The following SACM1L variants were observed in gnomAD, a reference collection of about 807,000 sequenced individuals.
SACM1L encodes the protein SAC1 like phosphatidylinositide phosphatase.
Under a neutral mutation model 89.5 loss-of-function variants are expected in SACM1L, and 32 were observed. That is an observed-to-expected ratio of 0.36 (90% confidence interval 0.27 to 0.48). SACM1L has a LOEUF of 0.48. Ranked by LOEUF, SACM1L falls within the 20% of genes least tolerant of loss-of-function variation. The pLI is 0.99. For missense variants in SACM1L, 543 were observed against 708.5 expected (o/e 0.77, Z 2.65); for synonymous variants, 213 against 232.8 (o/e 0.92, Z 0.77).
rs1210602493 is a variant in SACM1L, at chr3:45,744,437, A to G, written c.*768A>G. 1 of 152,650 alleles carries G rather than the reference A, an allele frequency of 6.6e-6. No homozygotes were observed. The highest frequency in any genetic ancestry group is 2.4e-5 in the African/African-American group (1 of 41,452). The allele number at this position is 152,650 out of a possible 1,614,324, so 9.5% of individuals were successfully genotyped here. ...TGCCTCTGTTTTAAAGATTATCCCAATGTGGAAGATGCCCATGACTGGTCA... is the reference window on the plus strand; with the variant it reads ...TGCCTCTGTTTTAAAGATTATCCCAGTGTGGAAGATGCCCATGACTGGTCA... On this transcript the variant is annotated 3_prime_UTR_variant, in exon 20 of 20. Transcript: ENST00000389061.
Position 45,732,096 on chromosome 3 carries a change from T to C in SACM1L, c.1045T>C (p.Trp349Arg). 6.2e-7 allele frequency: 1 copy of C among 1,605,536 alleles called. No homozygotes were observed. The highest frequency in any genetic ancestry group is 8.5e-7 in the Non-Finnish European group (1 of 1,177,174). The change falls in exon 13 of 20, where the codon TGG becomes CGG. Residue 349 changes from tryptophan to arginine, a missense_variant. Coordinates refer to ENST00000389061, the MANE Select transcript of SACM1L (RefSeq NM_014016.5). ...CCATAAGGAATGTAAAAATATGAGA[T>C]GGGATCGACTAAGTATTTTATTGGA... ...DFHKECKNMR[W>R]DRLSILLDQV...
chr3:45,730,616 G>T (rs1278695065), intron 11 of SACM1L: 2 of 152,284 alleles, frequency 1.3e-5, no homozygotes, highest in Admixed American at 1.3e-4. Flanking sequence ...TCAGTCTGTG[G>T]TAAAGGTTTA....
chr3:45,721,460 T>C (rs1698785299), intron 8 of SACM1L, among the ~76,000 whole-genome samples: 1 of 152,226 alleles, frequency 6.6e-6, no homozygotes, highest in Admixed American at 6.5e-5. Context: ...AAGCGGAGGT[T>C]GCGTTGAGCT....
chr3:45,726,954 C>G (rs1698936967), intron 11 of SACM1L, among the ~76,000 whole-genome samples: 1 of 21,936 alleles, frequency 4.6e-5, no homozygotes, highest in South Asian at 6.9e-4. Context: ...GGCGCAATCT[C>G]GGCTCACTGC....
At chr3:45,724,298 G>GGTGTAT (rs1553653986) in intron 11 of SACM1L, among the ~76,000 whole-genome samples, 6 of 139,716 alleles carry the variant, frequency 4.3e-5, no homozygotes, top group African/African-American at 1.6e-4. Flanking sequence ...GTTGTTTTCT[G>GGTGTAT]GTGTGTGTGT....
chr3:45,731,742 T>A (rs534576720), intron 12 of SACM1L, among the ~76,000 whole-genome samples: 1 of 152,338 alleles, frequency 6.6e-6, no homozygotes, highest in South Asian at 2.1e-4. Context: ...CCATTTGTTG[T>A]GTTTCTCCTC....
chr3:45,719,695 A>G, intron 8 of SACM1L, 94 bp downstream of exon 8: 1 of 672,952 alleles, frequency 1.5e-6, no homozygotes, highest in South Asian at 2.1e-5. Flanking sequence ...TGTTTTCATT[A>G]TCATTTGATA....
intron 8 of SACM1L, 110 bp downstream of exon 8, chr3:45,719,711 G>A (rs1236659790): frequency 1.7e-6 from 1 of 601,786 alleles, no homozygotes; most frequent in African/African-American, 1.9e-5. Flanking sequence ...TGATAGCCTT[G>A]CTAAGTATTT....
At chr3:45,742,812 G>A (rs1436367500) in intron 19 of SACM1L, 1 of 152,192 alleles carries the variant, frequency 6.6e-6, no homozygotes, top group African/African-American at 2.4e-5. Flanking sequence ...TCAATATGGT[G>A]ACCTCTTTGA....
chr3:45,711,565 T>G (rs1391000631), intron 5 of SACM1L, among the ~76,000 whole-genome samples: 1 of 151,798 alleles, frequency 6.6e-6, no homozygotes, highest in Non-Finnish European at 1.5e-5. Context: ...AGCCACAGTG[T>G]GCTGTCATCA....
At chr3:45,720,324 G>C (rs1038086022) in intron 8 of SACM1L, among the ~76,000 whole-genome samples, 1 of 152,126 alleles carries the variant, frequency 6.6e-6, no homozygotes, top group African/African-American at 2.4e-5. Flanking sequence ...TGGAAACATA[G>C]TTTTTGATTA....
chr3:45,732,019 C>A, intron 12 of SACM1L, 34 bp from the exon 13 acceptor site: 2 of 1,255,692 alleles, frequency 1.6e-6, no homozygotes, highest in Non-Finnish European at 2.3e-6. Flanking sequence ...TGAATGATCT[C>A]TGGTCGGTTT....
intron 19 of SACM1L, chr3:45,740,023 C>A: frequency 4.8e-6 from 1 of 207,948 alleles, no homozygotes; most frequent in Non-Finnish European, 9.7e-6. Context: ...TTAAGGACTT[C>A]AGTATTAAAT....
intron 7 of SACM1L, among the ~76,000 whole-genome samples, chr3:45,716,993 G>C (rs1015026314): frequency 1.3e-5 from 2 of 152,194 alleles, no homozygotes; most frequent in African/African-American, 4.8e-5. Context: ...TCTAAGAGCA[G>C]GCTTATCTGC....
At chr3:45,719,295 T>G (rs1319756338) in intron 7 of SACM1L, among the ~76,000 whole-genome samples, 1 of 152,150 alleles carries the variant, frequency 6.6e-6, no homozygotes, top group Non-Finnish European at 1.5e-5. Flanking sequence ...TTCTTAAACA[T>G]ACTACCTTCG....
intron 3 of SACM1L, 26 bp downstream of exon 3, chr3:45,705,235 C>T: frequency 7.0e-7 from 1 of 1,423,996 alleles, no homozygotes; most frequent in Non-Finnish European, 9.9e-7. Context: ...CTAAGATGGG[C>T]AAAGAAGGTA....
intron 14 of SACM1L, among the ~76,000 whole-genome samples, chr3:45,736,049 T>C (rs1174771122): frequency 6.6e-6 from 1 of 152,090 alleles, no homozygotes; most frequent in Non-Finnish European, 1.5e-5. Flanking sequence ...GTATTTTTTT[T>C]TGTAGAGACA....
intron 5 of SACM1L, among the ~76,000 whole-genome samples, chr3:45,711,372 A>C (rs1698524798): frequency 6.6e-6 from 1 of 152,102 alleles, no homozygotes; most frequent in Non-Finnish European, 1.5e-5. Flanking sequence ...CATGCCTGTA[A>C]TCCCAACACT....
intron 11 of SACM1L, among the ~76,000 whole-genome samples, chr3:45,724,454 G>A (rs1283092872): frequency 6.6e-6 from 1 of 151,998 alleles, no homozygotes; most frequent in East Asian, 1.9e-4. Context: ...TATCTTCTTT[G>A]GAGAAATGTC....
Sources: gnomAD v4.1 joint callset for allele counts (sites outside exome capture counted in the v4.1 genomes callset) on GRCh38, gnomAD v4.1.1 for gene constraint, MANE v1.5 for transcripts, NCBI Gene and HGNC (gene_info 2026-07-23, HGNC 2026-07-21) for gene names.